The following PCNX1 variants were observed in gnomAD, a reference collection of about 807,000 sequenced individuals.
The protein encoded by PCNX1 is pecanex-like protein 1.
PCNX1 carries 78 observed loss-of-function variants against 242.2 expected under a neutral mutation model. The ratio of observed to expected loss-of-function variants is 0.32; its 90% confidence interval spans 0.27 to 0.39. The LOEUF is 0.39. Ranked by LOEUF, PCNX1 falls within the 10% of genes least tolerant of loss-of-function variation. PCNX1 has a pLI of 1.00. For missense variants in PCNX1, 2,581 were observed against 2,856.5 expected, an observed-to-expected ratio of 0.90 and a Z score of 2.20; for synonymous variants, 1,024 against 1,032.9, an observed-to-expected ratio of 0.99 and a Z score of 0.17.
intron 5 of PCNX1, among the ~76,000 whole-genome samples, chr14:70,971,581 C>T (rs1283170820): frequency 2.0e-5 from 3 of 152,244 alleles, no homozygotes; most frequent in Non-Finnish European, 2.9e-5. Flanking sequence ...GTTCCACCCT[C>T]ATGTGGCTTC....
chr14:71,080,597 A>C (rs1428164277), intron 28 of PCNX1, among the ~76,000 whole-genome samples: 4 of 152,154 alleles, frequency 2.6e-5, no homozygotes, highest in African/African-American at 9.7e-5. Flanking sequence ...ACATCCTTGT[A>C]AGCTGTATTC....
intron 17 of PCNX1, among the ~76,000 whole-genome samples, 165 bp downstream of exon 17, chr14:71,033,703 G>A (rs2060454277): frequency 6.6e-6 from 1 of 151,968 alleles, no homozygotes; most frequent in African/African-American, 2.4e-5. Flanking sequence ...AAATCAGGTT[G>A]GCTGAGAATA....
At chr14:71,095,716 C>A (rs546650779) in intron 30 of PCNX1, among the ~76,000 whole-genome samples, 2 of 152,188 alleles carry the variant, frequency 1.3e-5, no homozygotes, top group Admixed American at 1.3e-4. Flanking sequence ...GGACATCTTT[C>A]CAAATCACCA....
At chr14:70,940,288 T>C (rs934610600) in intron 1 of PCNX1, among the ~76,000 whole-genome samples, 3 of 152,238 alleles carry the variant, frequency 2.0e-5, no homozygotes, top group African/African-American at 7.2e-5. Flanking sequence ...TTTCCATGTT[T>C]AGTGCTTCCT....
intron 7 of PCNX1, among the ~76,000 whole-genome samples, chr14:70,992,283 G>A (rs938204715): frequency 2.0e-5 from 3 of 151,958 alleles, no homozygotes; most frequent in African/African-American, 2.4e-5. Context: ...GGGGAAAAAC[G>A]CTTTAGTGTA....
chr14:71,113,641 G>A lies in PCNX1; in HGVS notation c.*3706G>A, dbSNP rs2062797321. The A allele has an allele frequency of 6.6e-6, 1 of 152,436 alleles. No individual in the cohort carries two copies. Among genetic ancestry groups the A allele is most frequent in the South Asian group, 2.1e-4 (1 of 4,830 alleles). 9.4% of individuals were successfully genotyped at this position (152,436 alleles called of 1,614,324 possible). ...CTTTTAAGCTGAAGATTCACCCAGT[G>A]TCTAAAGTTGTCCTTTTCTTATAGC... is the stretch of plus-strand genomic sequence containing the variant. On this transcript the variant is annotated 3_prime_UTR_variant, in exon 36 of 36. Coordinates refer to ENST00000304743, the MANE Select transcript of PCNX1 (RefSeq NM_014982.3).
chr14:70,973,899 A>C (rs1035402755), intron 5 of PCNX1, among the ~76,000 whole-genome samples: 1 of 151,992 alleles, frequency 6.6e-6, no homozygotes, highest in Non-Finnish European at 1.5e-5. Flanking sequence ...AATATTATGC[A>C]TCCATCACCA....
intron 1 of PCNX1, among the ~76,000 whole-genome samples, chr14:70,919,186 A>G (rs1426316623): frequency 1.3e-5 from 2 of 152,128 alleles, no homozygotes; most frequent in Non-Finnish European, 2.9e-5. Flanking sequence ...ACCCGACTCA[A>G]TGGACTATTT....
chr14:70,935,699 A>T (rs908739873), intron 1 of PCNX1, among the ~76,000 whole-genome samples: 1 of 152,188 alleles, frequency 6.6e-6, no homozygotes. Flanking sequence ...TTTTTATCTT[A>T]ATGTGGACTA....
intron 28 of PCNX1, chr14:71,078,568 T>C (rs2061774108): frequency 6.6e-6 from 1 of 152,220 alleles, no homozygotes. Context: ...TCTAATGCAA[T>C]TTAGGGACTA....
intron 28 of PCNX1, among the ~76,000 whole-genome samples, chr14:71,082,473 G>T (rs7158260): frequency 0.73 from 110,266 of 151,968 alleles, 41,480 homozygotes; most frequent in African/African-American, 0.92. Flanking sequence ...CTCCCACTAT[G>T]ATTGTGTGGG....
intron 33 of PCNX1, among the ~76,000 whole-genome samples, chr14:71,106,506 TAAGACTCTTG>T (rs2062625780): frequency 6.6e-6 from 1 of 151,900 alleles, no homozygotes; most frequent in South Asian, 2.1e-4. Flanking sequence ...CCTATGAGAA[TAAGACTCTTG>T]ATATATAATG....
chr14:71,089,595 G>A (rs2062076223), intron 30 of PCNX1, among the ~76,000 whole-genome samples: 1 of 151,998 alleles, frequency 6.6e-6, no homozygotes, highest in South Asian at 2.1e-4. Flanking sequence ...CAAGCAAAAG[G>A]GGGAGAACCC....
Position 70,995,935 on chromosome 14 carries a change from C to A in PCNX1, c.2629+10C>A. The A allele has an allele frequency of 6.2e-7, 1 of 1,604,180 alleles. No individual in the cohort carries two copies. The highest frequency in any genetic ancestry group is 8.5e-7 in the Non-Finnish European group (1 of 1,171,014). On this transcript the variant is annotated intron_variant, in intron 8 of 35. Transcript: ENST00000304743. Reference sequence around the variant, plus strand: ...TTGCACGATGAACTTGGTATGCAGGCCTTATGTAATCTTGATGATACAAAA... The same window carrying A: ...TTGCACGATGAACTTGGTATGCAGGACTTATGTAATCTTGATGATACAAAA...
chr14:71,049,177 T>C, intron 22 of PCNX1: 1 of 705,916 alleles, frequency 1.4e-6, no homozygotes, highest in Non-Finnish European at 1.7e-6. Flanking sequence ...GTTGCTACAC[T>C]TAACTCTGCA....
chr14:71,076,407 C>A lies in PCNX1; in HGVS notation c.5325C>A (p.Ser1775=). The A allele has an allele frequency of 6.3e-7, 1 of 1,587,172 alleles. No individual in the cohort carries two copies. Among genetic ancestry groups the A allele is most frequent in the Non-Finnish European group, 8.7e-7 (1 of 1,155,802 alleles). Residue 1775 remains serine (S), a synonymous_variant, in exon 28 of 36, where the codon TCC becomes TCA. Transcript: ENST00000304743. ...TCAACTGGATAGAGTACTGCTCTTC[C>A]CGAAGAGCAAAGGTAGAGTTTATTT... ...IYLNWIEYCS[S]RRAKPVDVDK...
chr14:70,975,791 A>G (rs1434177125), intron 5 of PCNX1, among the ~76,000 whole-genome samples: 1 of 151,918 alleles, frequency 6.6e-6, no homozygotes, highest in Admixed American at 6.6e-5. Flanking sequence ...ATTTATATCT[A>G]TATTTACATT....
chr14:70,982,757 G>T (rs1216441439), intron 6 of PCNX1, among the ~76,000 whole-genome samples: 1 of 152,090 alleles, frequency 6.6e-6, no homozygotes, highest in East Asian at 1.9e-4. Flanking sequence ...TTTCAAGTAG[G>T]AACAAACATT....
intron 2 of PCNX1, among the ~76,000 whole-genome samples, chr14:70,949,405 A>G (rs892607367): frequency 2.7e-5 from 4 of 149,412 alleles, no homozygotes; most frequent in Admixed American, 1.3e-4. Flanking sequence ...GTGTGTGTGT[A>G]CATATATATG....
Sources: gnomAD v4.1 joint callset for allele counts (sites outside exome capture counted in the v4.1 genomes callset) on GRCh38, gnomAD v4.1.1 for gene constraint, MANE v1.5 for transcripts, NCBI Gene and HGNC (gene_info 2026-07-23, HGNC 2026-07-21) for gene names.